Variants in HS2ST1 observed in about 807,000 individuals in gnomAD.
HS2ST1 encodes the protein 2-O-sulfotransferase.
HS2ST1 carries 18 observed loss-of-function variants against 42.9 expected under a neutral mutation model. The observed-to-expected ratio is 0.42, with a 90% CI of 0.29 to 0.62. The LOEUF (loss-of-function observed/expected upper bound fraction) is 0.62. HS2ST1 is among the 20% of genes least tolerant of loss of function. HS2ST1 has a pLI of 0.21. For missense variants in HS2ST1, 334 were observed against 433.8 expected, an observed-to-expected ratio of 0.77 and a Z score of 2.04; for synonymous variants, 146 against 152.9, an observed-to-expected ratio of 0.95 and a Z score of 0.33.
intron 3 of HS2ST1, among the ~76,000 whole-genome samples, chr1:87,090,187 GT>G (rs1202915387): frequency 6.6e-6 from 1 of 151,964 alleles, no homozygotes; most frequent in Non-Finnish European, 1.5e-5. Context: ...GCTTTTGTTA[GT>G]GGCTAATTCA....
chr1:87,105,589 ATT>A lies in HS2ST1; in HGVS notation c.*897_*898del, dbSNP rs1282396454. 6.6e-6 allele frequency: 1 copy of A among 152,426 alleles called. No homozygotes were observed. Among genetic ancestry groups the A allele is most frequent in the Non-Finnish European group, 1.5e-5 (1 of 67,936 alleles). 9.4% of individuals were successfully genotyped at this position (152,426 alleles called of 1,614,324 possible). A position where few individuals can be genotyped will look rare whatever the true frequency, so the allele number is the denominator to read the frequency against. On this transcript the variant is annotated 3_prime_UTR_variant, in exon 7 of 7. Transcript: ENST00000370550. ...TCTTCTGTACTTTTACCTGTAGACTATTTTTACTAAGGTGCTTTATAATGTGT... is the reference window on the plus strand; with the variant it reads ...TCTTCTGTACTTTTACCTGTAGACTATTTACTAAGGTGCTTTATAATGTGT...
chr1:86,960,546 G>A (rs1300051362), intron 1 of HS2ST1, among the ~76,000 whole-genome samples: 2 of 152,156 alleles, frequency 1.3e-5, no homozygotes, highest in Non-Finnish European at 2.9e-5. Context: ...ACCTGAAAAA[G>A]AACTGGCATC....
chr1:87,046,250 G>C (rs1387875961), intron 1 of HS2ST1: 11 of 796,142 alleles, frequency 1.4e-5, no homozygotes, highest in Non-Finnish European at 2.2e-5. Context: ...AAGAGGGTGT[G>C]ACCAAGTGTT....
Position 87,096,780 on chromosome 1 carries a change from C to G in HS2ST1, c.589-1058C>G, listed in dbSNP as rs1652079265. Among the ~76,000 whole-genome samples, 3 of 152,188 alleles carry G rather than the reference C, an allele frequency of 2.0e-5. No homozygotes were observed. In the South Asian group the frequency reaches 6.2e-4, roughly 32 times the overall value. ...GCTGAGAACCCGTGGGATATCAACA[C>G]TGTCAGTTTTTCCTTCAAGTGACAG... On this transcript the variant is annotated intron_variant, in intron 4 of 6. Coordinates refer to ENST00000370550, the MANE Select transcript of HS2ST1 (RefSeq NM_012262.4).
chr1:87,004,517 A>C (rs1649381649), intron 1 of HS2ST1, among the ~76,000 whole-genome samples: 1 of 152,122 alleles, frequency 6.6e-6, no homozygotes, highest in East Asian at 1.9e-4. Context: ...AACATTGTTA[A>C]GGGGCTGTTA....
At chr1:87,023,033 T>G (rs1472039147) in intron 1 of HS2ST1, among the ~76,000 whole-genome samples, 1 of 152,226 alleles carries the variant, frequency 6.6e-6, no homozygotes, top group Non-Finnish European at 1.5e-5. Context: ...TTATCTGCTT[T>G]CTTGAGGATA....
rs1322769388 is a variant in HS2ST1, at chr1:87,073,236, CA to C, written c.363+66del. The C allele has an allele frequency of 6.6e-5, 75 of 1,130,516 alleles. 1 individual carries two copies. In the African/African-American group the frequency reaches 1.1e-3, roughly 16 times the overall value. 70.0% of individuals were successfully genotyped at this position (1,130,516 alleles called of 1,614,324 possible). ...ACTTCCTCACTCAAATTTTCTAGCTCAAGGGGATAAAGTATTTTAAAGGGAT... is the reference window on the plus strand; with the variant it reads ...ACTTCCTCACTCAAATTTTCTAGCTCAGGGGATAAAGTATTTTAAAGGGAT... On this transcript the variant is annotated intron_variant, in intron 2 of 6. Transcript: ENST00000370550.
intron 2 of HS2ST1, among the ~76,000 whole-genome samples, chr1:87,081,939 A>G (rs1344892121): frequency 6.7e-6 from 1 of 150,078 alleles, no homozygotes; most frequent in Non-Finnish European, 1.5e-5. Context: ...GTGTCACTAC[A>G]TTCCAGCCTG....
intron 1 of HS2ST1, among the ~76,000 whole-genome samples, chr1:86,945,344 T>C (rs1378277171): frequency 1.3e-5 from 2 of 152,204 alleles, no homozygotes; most frequent in African/African-American, 4.8e-5. Flanking sequence ...TCTGGTCGTT[T>C]AGTAATGTCT....
At chr1:87,010,047 A>G (rs1228458219) in intron 1 of HS2ST1, among the ~76,000 whole-genome samples, 1 of 34,460 alleles carries the variant, frequency 2.9e-5, no homozygotes, top group African/African-American at 5.0e-5. Context: ...AAACAAAACA[A>G]AACAAAACAA....
At chr1:86,933,831 G>A (rs1303806929) in intron 1 of HS2ST1, among the ~76,000 whole-genome samples, 1 of 151,268 alleles carries the variant, frequency 6.6e-6, no homozygotes, top group Non-Finnish European at 1.5e-5. Flanking sequence ...ACTGTTTGAT[G>A]TAGCTTTGGT....
chr1:86,934,867 G>T (rs562099335), intron 1 of HS2ST1: 7 of 143,542 alleles, frequency 4.9e-5, no homozygotes, highest in Non-Finnish European at 1.0e-4. Flanking sequence ...GGCGGAGCTT[G>T]CAGTGAGCCG....
intron 1 of HS2ST1, among the ~76,000 whole-genome samples, chr1:87,062,576 A>G (rs565481968): frequency 3.3e-5 from 5 of 152,318 alleles, no homozygotes; most frequent in African/African-American, 1.2e-4. Flanking sequence ...TTGCTTTTGA[A>G]AACTCAAGAG....
intron 1 of HS2ST1, among the ~76,000 whole-genome samples, chr1:86,996,859 T>G (rs1649116695): frequency 1.3e-5 from 2 of 152,130 alleles, no homozygotes. Flanking sequence ...AGACAAAACT[T>G]TTGGAAATGA....
chr1:86,938,509 C>CT (rs1557486314), intron 1 of HS2ST1, among the ~76,000 whole-genome samples: 2 of 151,902 alleles, frequency 1.3e-5, no homozygotes, highest in South Asian at 2.1e-4. Flanking sequence ...TTTTGACAGC[C>CT]TTTTTTTCTT....
chr1:87,018,089 G>GT (rs1237167612), intron 1 of HS2ST1, among the ~76,000 whole-genome samples: 1 of 150,532 alleles, frequency 6.6e-6, no homozygotes, highest in Non-Finnish European at 1.5e-5. Context: ...ACTCATCAAT[G>GT]TAACTCTCAC....
At chr1:87,080,749 G>C (rs1651664545) in intron 2 of HS2ST1, among the ~76,000 whole-genome samples, 2 of 152,178 alleles carry the variant, frequency 1.3e-5, no homozygotes, top group African/African-American at 4.8e-5. Flanking sequence ...CGCAGAAAGA[G>C]AATCTGCACC....
chr1:86,935,575 G>T (rs938721306), intron 1 of HS2ST1, among the ~76,000 whole-genome samples: 1 of 146,262 alleles, frequency 6.8e-6, no homozygotes, highest in African/African-American at 2.5e-5. Flanking sequence ...TGATTCTCGT[G>T]TCTCAGCCTC....
At chr1:87,100,929 A>G (rs749840029) in intron 5 of HS2ST1, among the ~76,000 whole-genome samples, 9 of 152,028 alleles carry the variant, frequency 5.9e-5, no homozygotes, top group Non-Finnish European at 1.2e-4. Flanking sequence ...CAACAAAAAG[A>G]GGGGGCTTTC....
Sources: gnomAD v4.1 joint callset for allele counts (sites outside exome capture counted in the v4.1 genomes callset) on GRCh38, gnomAD v4.1.1 for gene constraint, MANE v1.5 for transcripts, NCBI Gene and HGNC (gene_info 2026-07-23, HGNC 2026-07-21) for gene names.